RAB40C: variants seen among roughly 807,000 people sequenced by gnomAD.
RAB40C encodes the protein RAB40C, member RAS oncogene family, also known as ras-related protein Rab-40C.
RAB40C carries 8 observed loss-of-function variants against 28.1 expected under a neutral mutation model. That is an observed-to-expected ratio of 0.28 (90% CI 0.17 to 0.51). The LOEUF (loss-of-function observed/expected upper bound fraction) is 0.51, where lower values mean the gene tolerates loss of function less well. Ranked by LOEUF, RAB40C falls within the 20% of genes least tolerant of loss-of-function variation. The pLI is 0.97. For synonymous variants in RAB40C, 201 were observed against 171.7 expected, an observed-to-expected ratio of 1.17 and a Z score of -1.34; for missense variants, 288 against 405.9, an observed-to-expected ratio of 0.71 and a Z score of 2.50.
intron 1 of RAB40C, among the ~76,000 whole-genome samples, chr16:614,015 A>G (rs2036534481): frequency 6.6e-6 from 1 of 152,228 alleles, no homozygotes; most frequent in African/African-American, 2.4e-5. Flanking sequence ...CTGCATCCAG[A>G]TGGTGAACTG....
chr16:625,189 G>A (rs1330816427), intron 3 of RAB40C: 7 of 1,408,596 alleles, frequency 5.0e-6, no homozygotes, highest in South Asian at 1.2e-5. Context: ...GGGAGGGGAA[G>A]CGGCATTTCT....
chr16:627,756 A>C lies in RAB40C; in HGVS notation c.*134A>C. The C allele has an allele frequency of 1.7e-6, 2 of 1,161,952 alleles. No individual in the cohort carries two copies. The highest frequency in any genetic ancestry group is 2.3e-6 in the Non-Finnish European group (2 of 860,706). 72.0% of individuals were successfully genotyped at this position (1,161,952 alleles called of 1,614,324 possible). On this transcript the variant is annotated 3_prime_UTR_variant, in exon 6 of 6. Coordinates refer to ENST00000248139, the MANE Select transcript of RAB40C (RefSeq NM_021168.5). ...CTCAGAAGCGCCGGGCTTTCCTCAC[A>C]CCTGAGCCGGGTGCGAGGAGGAGCA...
chr16:616,994 C>T (rs1046208182), intron 1 of RAB40C: 16 of 581,882 alleles, frequency 2.7e-5, no homozygotes, highest in African/African-American at 1.3e-4. Flanking sequence ...TGCCCTGCCC[C>T]GCCCTGCCCG....
intron 3 of RAB40C, chr16:624,860 G>A: frequency 1.0e-6 from 1 of 985,486 alleles, no homozygotes; most frequent in East Asian, 1.1e-4. Context: ...TTTAGGGCAG[G>A]TGGAAACAGC....
At chr16:624,836 T>A (rs2036793961) in intron 3 of RAB40C, 1 of 985,330 alleles carries the variant, frequency 1.0e-6, no homozygotes, top group Admixed American at 6.1e-5. Context: ...GCCATGACTG[T>A]CACTGCCGAG....
chr16:607,363 C>T (rs1192904294), intron 1 of RAB40C, among the ~76,000 whole-genome samples: 3 of 151,746 alleles, frequency 2.0e-5, no homozygotes, highest in Non-Finnish European at 4.4e-5. Flanking sequence ...ATTAGTTGGG[C>T]ATGGTGGTGG....
In RAB40C at chr16:617,188, C is replaced by T. The variant is rs374538321; in HGVS notation, c.143-20C>T. 2.9e-5 allele frequency: 47 copies of T among 1,612,824 alleles called. No homozygotes were observed. In the African/African-American group the frequency reaches 3.7e-4, roughly 13 times the overall value. On this transcript the variant is annotated intron_variant, in intron 1 of 5. Coordinates refer to ENST00000248139, the MANE Select transcript of RAB40C (RefSeq NM_021168.5). The stretch of plus-strand genomic sequence containing the variant: ...CTCCAGGAGTGGCGCGTCCCCTCAG[C>T]GCCCTGTGCTTCCTCGCAGGGATCG...
In RAB40C at chr16:618,270, G is replaced by T. The variant is rs370535109; in HGVS notation, c.264+10G>T. 12 of 1,606,122 alleles carry T rather than the reference G, an allele frequency of 7.5e-6. No individual in the cohort carries two copies. In the African/African-American group the frequency reaches 1.6e-4, roughly 22 times the overall value. On this transcript the variant is annotated intron_variant, in intron 3 of 5. Transcript: ENST00000248139. ...CTCCAGGGGCGCTCAGGTAAGACCA[G>T]CACCGCTCTTTCCATTGCTTTTCAA...
intron 3 of RAB40C, chr16:624,005 C>A (rs1596417165): frequency 6.1e-6 from 6 of 985,438 alleles, no homozygotes; most frequent in African/African-American, 5.2e-5. Flanking sequence ...GCACATCTCT[C>A]CTTGGCCAGC....
chr16:609,021 A>G (rs968173665), intron 1 of RAB40C, among the ~76,000 whole-genome samples: 2 of 152,174 alleles, frequency 1.3e-5, no homozygotes, highest in African/African-American at 4.8e-5. Context: ...AGGCTGAGCT[A>G]TGAGGAGCAC....
chr16:603,277 G>C (rs993593263), intron 1 of RAB40C, among the ~76,000 whole-genome samples: 2 of 152,200 alleles, frequency 1.3e-5, no homozygotes, highest in Non-Finnish European at 1.5e-5. Context: ...TGGCATGCTG[G>C]TGTACACAGA....
chr16:626,900 G>T (rs1358365486), intron 5 of RAB40C, among the ~76,000 whole-genome samples: 1 of 152,188 alleles, frequency 6.6e-6, no homozygotes, highest in African/African-American at 2.4e-5. Flanking sequence ...ATCGTGCCAC[G>T]GCACTCCAGC....
intron 1 of RAB40C, among the ~76,000 whole-genome samples, chr16:602,709 A>G (rs2036279172): frequency 6.6e-6 from 1 of 152,196 alleles, no homozygotes; most frequent in African/African-American, 2.4e-5. Context: ...CTGGGATTAC[A>G]GGCGTGAGCC....
At chr16:606,129 T>C (rs2036357104) in intron 1 of RAB40C, among the ~76,000 whole-genome samples, 2 of 151,932 alleles carry the variant, frequency 1.3e-5, no homozygotes, top group Non-Finnish European at 2.9e-5. Flanking sequence ...CTCAGTCCAG[T>C]GTGGGTTTCC....
At chr16:589,481 G>T (rs997627900), upstream of RAB40C, 1 of 152,254 alleles carries the variant, frequency 6.6e-6, no homozygotes, top group Admixed American at 6.5e-5. Flanking sequence ...GCATCCTGCC[G>T]CCCGTCCGCG....
At chr16:616,887 G>A (rs945913469) in intron 1 of RAB40C, 24 of 381,888 alleles carry the variant, frequency 6.3e-5, no homozygotes, top group East Asian at 1.4e-4. Context: ...GGCCACAGGC[G>A]GAGGCCCCAT....
chr16:622,548 G>C (rs559063361), intron 3 of RAB40C, among the ~76,000 whole-genome samples: 4 of 152,168 alleles, frequency 2.6e-5, no homozygotes, highest in African/African-American at 7.2e-5. Flanking sequence ...TGGCTCTGTC[G>C]CCAGGCTGGA....
At chr16:623,591 C>T (rs1280236018) in intron 3 of RAB40C, among the ~76,000 whole-genome samples, 4 of 147,066 alleles carry the variant, frequency 2.7e-5, no homozygotes, top group African/African-American at 1.0e-4. Flanking sequence ...AAGCGGAGAT[C>T]GTGCGGCTGC....
rs963594445 is a variant in RAB40C, at chr16:614,617, C to T, written c.143-2591C>T. Reference sequence around the variant, plus strand: ...TGAACTGCCTAACTCTACCACATCCCGATGGTGAACTGCTAACTCTGCCGT... The same window carrying T: ...TGAACTGCCTAACTCTACCACATCCTGATGGTGAACTGCTAACTCTGCCGT... On this transcript the variant is annotated intron_variant, in intron 1 of 5. Transcript: ENST00000248139. Among the ~76,000 whole-genome samples the T allele has an allele frequency of 6.8e-5, 10 of 146,730 alleles. No individual in the cohort carries two copies. In the South Asian group the frequency reaches 8.8e-4, roughly 13 times the overall value.
Sources: allele counts gnomAD v4.1 joint callset (sites outside exome capture counted in the v4.1 genomes callset), GRCh38; gene constraint gnomAD v4.1.1; transcripts MANE v1.5; gene names NCBI Gene and HGNC (gene_info 2026-07-23, HGNC 2026-07-21).